ARMC9: variants seen among roughly 807,000 people sequenced by gnomAD.
The protein encoded by ARMC9 is lisH domain-containing protein ARMC9.
Under a neutral mutation model 107.0 loss-of-function variants are expected in ARMC9, and 94 were observed. That is an observed-to-expected ratio of 0.88 (90% CI 0.74 to 1.04). ARMC9 has a LOEUF of 1.04. ARMC9 is among the 50% of genes least tolerant of loss of function. The probability of loss-of-function intolerance (pLI) is 0.00; values close to 1 mark genes in which losing one functional copy is unlikely to be tolerated. For synonymous variants in ARMC9, 380 were observed against 396.9 expected (o/e 0.96, Z 0.51); for missense variants, 942 against 1,030.1 (o/e 0.91, Z 1.17).
At chr2:231,363,012 G>A (rs1185246637) in intron 23 of ARMC9, among the ~76,000 whole-genome samples, 2 of 152,214 alleles carry the variant, frequency 1.3e-5, no homozygotes, top group South Asian at 2.1e-4. Flanking sequence ...CACAGAGAGC[G>A]TGCAGGGCCT....
At chr2:231,367,793 G>C (rs2045874219) in intron 23 of ARMC9, among the ~76,000 whole-genome samples, 1 of 151,890 alleles carries the variant, frequency 6.6e-6, no homozygotes, top group South Asian at 2.1e-4. Flanking sequence ...GACCAGCCTG[G>C]CCAACATTGT....
intron 19 of ARMC9, among the ~76,000 whole-genome samples, chr2:231,329,568 C>G (rs1239531386): frequency 6.6e-6 from 1 of 152,138 alleles, no homozygotes; most frequent in African/African-American, 2.4e-5. Context: ...CTCAGCCTCC[C>G]AAAGTACTGA....
At position 231,273,229 on chromosome 2, in the gene ARMC9, A is replaced by G. The variant is rs2039491054; in HGVS notation, c.1334+151A>G. 3.6e-6 allele frequency: 4 copies of G among 1,121,368 alleles called. No individual in the cohort carries two copies. The Admixed American group carries it at 7.9e-5, about 22-fold the overall frequency. The allele number at this position is 1,121,368 out of a possible 1,614,324, so 69.5% of individuals were successfully genotyped here. A position where few individuals can be genotyped will look rare whatever the true frequency, so the allele number is the denominator to read the frequency against. On this transcript the variant is annotated intron_variant, in intron 14 of 24. Coordinates refer to ENST00000611582, the MANE Select transcript of ARMC9 (RefSeq NM_001352754.2). Reference sequence around the variant, plus strand: ...GACAGAGCTAGAAAGCTTATCTGTAATCCACTAAACTATCCTGCGCAAGGC... The same window carrying G: ...GACAGAGCTAGAAAGCTTATCTGTAGTCCACTAAACTATCCTGCGCAAGGC...
rs1200702596 is a variant in ARMC9, at chr2:231,360,798, C to A, written c.2176C>A (p.Gln726Lys). The A allele has an allele frequency of 3.3e-6, 5 of 1,536,146 alleles. No homozygotes were observed. The highest frequency in any genetic ancestry group is 4.4e-6 in the Non-Finnish European group (5 of 1,146,914). Residue 726 changes from glutamine (Q) to lysine (K), a missense_variant, in exon 23 of 25, where the codon CAG (glutamine) becomes AAG (lysine). By Grantham distance (53) the Gln-to-Lys change is moderately conservative (BLOSUM62 1). Coordinates refer to ENST00000611582, the MANE Select transcript of ARMC9 (RefSeq NM_001352754.2). This position sits in a 1 kb window ranked among gnomAD's most constrained non-coding sequence, Gnocchi z 4.7. ...AGGAGAGTGGCTCCCAAGAGGACGC[C>A]AGGAAGAGCCTCGCCCAGCCCCCAC... is the stretch of plus-strand genomic sequence containing the variant. ...KPGEWLPRGR[Q>K]EEPRPAPTGT...
Position 231,296,182 on chromosome 2 carries a change from C to T in ARMC9, c.1718-16C>T. 3 of 1,602,926 alleles carry T rather than the reference C, an allele frequency of 1.9e-6. No homozygotes were observed. Among genetic ancestry groups the T allele is most frequent in the Non-Finnish European group, 2.6e-6 (3 of 1,171,926 alleles). On this transcript the variant is annotated splice_polypyrimidine_tract_variant and intron_variant, in intron 18 of 24. Coordinates refer to ENST00000611582, the MANE Select transcript of ARMC9 (RefSeq NM_001352754.2). ...ACTGTTTATCCATTATTCATTGATT[C>T]TTTTTTTCTTTATAGAAGAGCTACC...
At chr2:231,264,852 A>T (rs2038712522) in intron 12 of ARMC9, among the ~76,000 whole-genome samples, 1 of 152,000 alleles carries the variant, frequency 6.6e-6, no homozygotes, top group African/African-American at 2.4e-5. Context: ...CATGCCTATA[A>T]TTGCAGCACT....
chr2:231,234,325 G>T (rs1000849115), intron 7 of ARMC9, among the ~76,000 whole-genome samples: 3 of 152,296 alleles, frequency 2.0e-5, no homozygotes, highest in East Asian at 1.9e-4. Context: ...CCCACGGGGG[G>T]ATTCCAAGCA....
chr2:231,226,776 G>C lies in ARMC9; in HGVS notation c.600G>C (p.Lys200Asn). ...CCTGAACTTCTTTTTCATCCCAGAA[G>C]GAGAATGGACAAAGTAACAAAGGTA... ...SNTPKLLTIYKENGQSNKEIL... is the reference protein window; with the variant it reads ...SNTPKLLTIYNENGQSNKEIL... The change falls in exon 7 of 25, where the codon AAG (lysine) becomes AAC (asparagine). Residue 200 changes from lysine (K) to asparagine (N), a missense_variant and splice_region_variant. Physicochemically the swap from Lys to Asn is moderately conservative, Grantham distance 94. Coordinates refer to ENST00000611582, the MANE Select transcript of ARMC9 (RefSeq NM_001352754.2). 1 of 1,613,618 alleles carries C rather than the reference G, an allele frequency of 6.2e-7. No individual in the cohort carries two copies. Among genetic ancestry groups the C allele is most frequent in the Non-Finnish European group, 8.5e-7 (1 of 1,179,686 alleles).
intron 11 of ARMC9, among the ~76,000 whole-genome samples, 157 bp downstream of exon 11, chr2:231,259,259 G>A (rs1324140986): frequency 6.6e-6 from 1 of 152,192 alleles, no homozygotes; most frequent in Non-Finnish European, 1.5e-5. Context: ...CACTTCTGAA[G>A]ATAGCCTGGG....
intron 20 of ARMC9, among the ~76,000 whole-genome samples, chr2:231,339,207 A>G (rs1464791499): frequency 6.9e-6 from 1 of 144,140 alleles, no homozygotes; most frequent in African/African-American, 2.4e-5. Context: ...GTGCATCTGT[A>G]ATCCCAGCTA....
chr2:231,204,311 G>A (rs1255179451), intron 1 of ARMC9, among the ~76,000 whole-genome samples: 1 of 151,818 alleles, frequency 6.6e-6, no homozygotes, highest in Non-Finnish European at 1.5e-5. Flanking sequence ...CCTGGCCCCG[G>A]CCCCCCATTG....
intron 1 of ARMC9, among the ~76,000 whole-genome samples, chr2:231,201,398 ATC>A (rs1313313759): frequency 2.0e-5 from 3 of 151,966 alleles, no homozygotes; most frequent in Non-Finnish European, 4.4e-5. Context: ...CTATCCCTTC[ATC>A]TCTTTTACTT....
At chr2:231,256,163 T>C in intron 9 of ARMC9, 5 of 1,531,912 alleles carry the variant, frequency 3.3e-6, no homozygotes, top group Non-Finnish European at 4.4e-6. Context: ...CAGGACCGGC[T>C]CTCAGGGACA....
chr2:231,265,013 G>T (rs1401349039), intron 12 of ARMC9, among the ~76,000 whole-genome samples: 1 of 151,970 alleles, frequency 6.6e-6, no homozygotes, highest in Non-Finnish European at 1.5e-5. Context: ...CAGGAGAATC[G>T]CTTGAACCCG....
chr2:231,341,839 CT>C (rs1451144961), intron 20 of ARMC9, among the ~76,000 whole-genome samples: 1 of 152,112 alleles, frequency 6.6e-6, no homozygotes, highest in East Asian at 1.9e-4. Flanking sequence ...ATAATATGCT[CT>C]TTTTTTATTG....
chr2:231,347,344 G>A (rs1206566446), intron 21 of ARMC9, among the ~76,000 whole-genome samples: 2 of 152,136 alleles, frequency 1.3e-5, no homozygotes, highest in African/African-American at 2.4e-5. Flanking sequence ...CATTGCTGGG[G>A]TTGCAGAAAT....
intron 14 of ARMC9, among the ~76,000 whole-genome samples, chr2:231,273,657 C>G (rs953263006): frequency 6.6e-6 from 1 of 152,166 alleles, no homozygotes; most frequent in South Asian, 2.1e-4. Flanking sequence ...TCAGGTGATC[C>G]GCCCACCTCA....
At chr2:231,341,679 G>GATA (rs1553633366) in intron 20 of ARMC9, among the ~76,000 whole-genome samples, 2 of 99,568 alleles carry the variant, frequency 2.0e-5, no homozygotes, top group East Asian at 3.4e-4. Context: ...GATAGATAGA[G>GATA]TATACCTGTA....
chr2:231,216,107 A>G (rs557530547), intron 4 of ARMC9, among the ~76,000 whole-genome samples: 2 of 152,320 alleles, frequency 1.3e-5, no homozygotes, highest in African/African-American at 4.8e-5. Flanking sequence ...TGGGATCCAC[A>G]TGGAGTAGTG....
Sources: allele counts gnomAD v4.1 joint callset (sites outside exome capture counted in the v4.1 genomes callset), GRCh38; gene constraint gnomAD v4.1.1; non-coding constraint Gnocchi (gnomAD v3.1); transcripts MANE v1.5; gene names NCBI Gene and HGNC (gene_info 2026-07-23, HGNC 2026-07-21).